The following SUCLG2 variants were observed in gnomAD, a reference collection of about 807,000 sequenced individuals.
SUCLG2 encodes succinate--CoA ligase [GDP-forming] subunit beta, mitochondrial.
A neutral mutation model predicts 47.9 loss-of-function variants in SUCLG2; 42 were observed. The observed-to-expected ratio is 0.88, with a 90% CI of 0.69 to 1.14. The LOEUF is 1.14. SUCLG2 is among the 50% of genes most tolerant of loss of function. The pLI, the probability that SUCLG2 is intolerant of heterozygous loss-of-function variation, is 0.00. For missense variants in SUCLG2, 571 were observed against 525.9 expected (o/e 1.09, Z -0.84); for synonymous variants, 195 against 197.3 (o/e 0.99, Z 0.10).
chr3:67,579,787 C>T lies in SUCLG2; in HGVS notation c.226+29668G>A, dbSNP rs115216091. 5.1e-3 allele frequency among the ~76,000 whole-genome samples: 778 copies of T among 152,154 alleles called. 6 individuals are homozygous for T. Among genetic ancestry groups the T allele is most frequent in the African/African-American group, 0.017 (688 of 41,486 alleles). ...TCCACGTCAGATATCAAAGATACTA[C>T]GATGTTATCCTTTGAAATAAAGTTA... On this transcript the variant is annotated intron_variant, in intron 2 of 10. Coordinates refer to ENST00000307227, the MANE Select transcript of SUCLG2 (RefSeq NM_003848.4).
intron 9 of SUCLG2, among the ~76,000 whole-genome samples, chr3:67,406,347 T>C (rs182579453): frequency 1.3e-5 from 2 of 152,274 alleles, no homozygotes; most frequent in African/African-American, 4.8e-5. Context: ...ATTTTAAAAT[T>C]AGACAAAAAG....
At chr3:67,372,676 T>C (rs1701970530), downstream of SUCLG2, among the ~76,000 whole-genome samples, 1 of 152,194 alleles carries the variant, frequency 6.6e-6, no homozygotes, top group South Asian at 2.1e-4. Flanking sequence ...TTTTGTAGAC[T>C]TTTTGTAGCT....
intron 2 of SUCLG2, among the ~76,000 whole-genome samples, chr3:67,561,451 A>T (rs369524197): frequency 7.0e-4 from 106 of 152,290 alleles, no homozygotes; most frequent in African/African-American, 2.3e-3. Context: ...ACAACTATTT[A>T]AAAAATATCC....
At chr3:67,385,890 G>T (rs576965134) in intron 10 of SUCLG2, among the ~76,000 whole-genome samples, 1 of 152,200 alleles carries the variant, frequency 6.6e-6, no homozygotes, top group African/African-American at 2.4e-5. Flanking sequence ...TGAACAATGG[G>T]AGCAGTGGCT....
intron 1 of SUCLG2, among the ~76,000 whole-genome samples, chr3:67,646,023 T>C (rs2362455): frequency 0.37 from 55,174 of 149,654 alleles, 10,445 homozygotes; most frequent in African/African-American, 0.43. Flanking sequence ...TCCCTACTTC[T>C]ATTCAATGCT....
chr3:67,540,409 G>T (rs749057474), intron 2 of SUCLG2, among the ~76,000 whole-genome samples: 2 of 152,086 alleles, frequency 1.3e-5, no homozygotes, highest in Non-Finnish European at 2.9e-5. Flanking sequence ...TTTTCCCCTA[G>T]TAGTATAAAC....
chr3:67,415,971 C>T (rs549228693), intron 9 of SUCLG2, among the ~76,000 whole-genome samples: 8 of 152,304 alleles, frequency 5.3e-5, no homozygotes, highest in Admixed American at 5.2e-4. Context: ...AACTGCCAAG[C>T]CATAAGGACG....
intron 9 of SUCLG2, among the ~76,000 whole-genome samples, chr3:67,409,292 T>C (rs1176490424): frequency 6.6e-6 from 1 of 152,056 alleles, no homozygotes; most frequent in Non-Finnish European, 1.5e-5. Context: ...GACTGATAGC[T>C]CCTCCTCTCC....
chr3:67,389,184 G>A (rs1244370164), intron 10 of SUCLG2, among the ~76,000 whole-genome samples: 1 of 152,216 alleles, frequency 6.6e-6, no homozygotes, highest in African/African-American at 2.4e-5. Context: ...GAGAGAAAAG[G>A]AGATGAGACA....
At chr3:67,413,907 A>T (rs1319473830) in intron 9 of SUCLG2, among the ~76,000 whole-genome samples, 2 of 152,182 alleles carry the variant, frequency 1.3e-5, no homozygotes, top group Non-Finnish European at 2.9e-5. Context: ...CATGTTTCTC[A>T]GTGTGGGTTT....
chr3:67,530,400 A>G (rs1706370903), intron 2 of SUCLG2, among the ~76,000 whole-genome samples: 1 of 152,218 alleles, frequency 6.6e-6, no homozygotes, highest in Admixed American at 6.5e-5. Context: ...TATATTGTAA[A>G]GAATGAAAGG....
intron 2 of SUCLG2, among the ~76,000 whole-genome samples, chr3:67,569,047 G>A (rs1000723296): frequency 2.0e-5 from 3 of 152,038 alleles, no homozygotes; most frequent in South Asian, 2.1e-4. Context: ...TGATTGTACC[G>A]TTGAGCTTTT....
rs1325547979 is a variant in SUCLG2, at chr3:67,396,705, C to T, written c.1183+4026G>A. On this transcript the variant is annotated intron_variant, in intron 10 of 10. Transcript: ENST00000307227. ...GCATCATCCTGATACCAAAGCCTGGCAGAGACACAACCAAAAAAGAGAATT... is the reference window on the plus strand; with the variant it reads ...GCATCATCCTGATACCAAAGCCTGGTAGAGACACAACCAAAAAAGAGAATT... Among the ~76,000 whole-genome samples, 3 of 152,144 alleles carry T rather than the reference C, an allele frequency of 2.0e-5. No individual in the cohort carries two copies. The South Asian group carries it at 6.2e-4, about 32-fold the overall frequency.
intron 1 of SUCLG2, among the ~76,000 whole-genome samples, chr3:67,622,601 C>A (rs115323782): frequency 0.028 from 4,229 of 152,196 alleles, 206 homozygotes; most frequent in African/African-American, 0.095. Flanking sequence ...TTATCTATTT[C>A]ATGTAGTTAA....
chr3:67,439,572 C>A (rs1222436295), intron 9 of SUCLG2, among the ~76,000 whole-genome samples: 1 of 152,150 alleles, frequency 6.6e-6, no homozygotes, highest in East Asian at 1.9e-4. Context: ...AAATCATAAG[C>A]ATTCCTATAC....
At chr3:67,466,443 A>C (rs184222914) in intron 9 of SUCLG2, among the ~76,000 whole-genome samples, 1 of 152,338 alleles carries the variant, frequency 6.6e-6, no homozygotes. Flanking sequence ...AAACTGAAGG[A>C]ATTTGTAGAA....
At chr3:67,404,672 TGTAAA>T (rs912415139) in intron 9 of SUCLG2, among the ~76,000 whole-genome samples, 8 of 152,112 alleles carry the variant, frequency 5.3e-5, no homozygotes, top group African/African-American at 1.9e-4. Context: ...TCTCTCCCAC[TGTAAA>T]GTAATTTGCT....
chr3:67,599,861 C>T (rs1036903508), intron 2 of SUCLG2, among the ~76,000 whole-genome samples: 2 of 152,140 alleles, frequency 1.3e-5, no homozygotes, highest in Non-Finnish European at 2.9e-5. Context: ...CAATTTTCAT[C>T]CTAAGGTAGA....
At chr3:67,542,850 T>C (rs917188506) in intron 2 of SUCLG2, among the ~76,000 whole-genome samples, 2 of 152,064 alleles carry the variant, frequency 1.3e-5, no homozygotes, top group Admixed American at 6.5e-5. Flanking sequence ...ACAAAGACAC[T>C]TGGACTCCCA....
Sources: allele counts gnomAD v4.1 joint callset (sites outside exome capture counted in the v4.1 genomes callset), GRCh38; gene constraint gnomAD v4.1.1; transcripts MANE v1.5; gene names NCBI Gene and HGNC (gene_info 2026-07-23, HGNC 2026-07-21).